The following RPGRIP1L variants were observed in gnomAD, a reference collection of about 807,000 sequenced individuals.
RPGRIP1L encodes protein fantom.
Under a neutral mutation model 160.4 loss-of-function variants are expected in RPGRIP1L, and 131 were observed. The ratio of observed to expected loss-of-function variants is 0.82; its 90% CI spans 0.71 to 0.94. The LOEUF is 0.94. RPGRIP1L is among the 40% of genes least tolerant of loss of function. The pLI is 0.00. For missense variants in RPGRIP1L, 1,522 were observed against 1,535.8 expected, an observed-to-expected ratio of 0.99 and a Z score of 0.15; for synonymous variants, 510 against 515.8, an observed-to-expected ratio of 0.99 and a Z score of 0.15.
intron 1 of RPGRIP1L, among the ~76,000 whole-genome samples, chr16:53,702,533 G>A (rs919282597): frequency 2.6e-5 from 4 of 151,870 alleles, no homozygotes; most frequent in East Asian, 1.9e-4. Context: ...TACTTTCCTC[G>A]AACCCCCCAT....
intron 23 of RPGRIP1L, 131 bp from the exon 24 acceptor site, chr16:53,619,339 T>C: frequency 1.4e-6 from 1 of 738,698 alleles, no homozygotes; most frequent in Admixed American, 2.1e-5. Context: ...GAATGCAATG[T>C]ACACTACTGT....
At position 53,696,270 on chromosome 16, in the gene RPGRIP1L, C is replaced by T. The variant is rs774172381; in HGVS notation, c.111G>A (p.Lys37=). 21 of 1,613,892 alleles carry T rather than the reference C, an allele frequency of 1.3e-5. No homozygotes were observed. In the African/African-American group the frequency reaches 2.0e-4, roughly 15 times the overall value. The change falls in exon 3 of 27, where the codon AAG becomes AAA. Residue 37 remains lysine (K), a synonymous_variant. Transcript: ENST00000647211. ...LQETSTTRTM[K]SRQAVSRVSR... ...TGACACGTGACACTGCCTGGCGAGA[C>T]TTCATTGTCCGTGTTGTTGAAGTTT...
chr16:53,663,126 G>A (rs1201452238), intron 10 of RPGRIP1L, among the ~76,000 whole-genome samples: 1 of 151,606 alleles, frequency 6.6e-6, no homozygotes, highest in African/African-American at 2.4e-5. Flanking sequence ...GTGGGTTGTG[G>A]GATTGATTTT....
chr16:53,655,053 C>T (rs777373426), intron 14 of RPGRIP1L, among the ~76,000 whole-genome samples: 4 of 152,044 alleles, frequency 2.6e-5, no homozygotes, highest in Non-Finnish European at 5.9e-5. Flanking sequence ...TGTAATCTGC[C>T]CTTTTCATTT....
chr16:53,619,337 T>G, intron 23 of RPGRIP1L, 129 bp from the exon 24 acceptor site: 1 of 738,096 alleles, frequency 1.4e-6, no homozygotes, highest in East Asian at 2.7e-5. Context: ...TTGAATGCAA[T>G]GTACACTACT....
chr16:53,681,215 T>C (rs571592849), intron 6 of RPGRIP1L, among the ~76,000 whole-genome samples: 1 of 152,294 alleles, frequency 6.6e-6, no homozygotes, highest in African/African-American at 2.4e-5. Flanking sequence ...CTGAGATACT[T>C]ATGGGTTAAA....
rs886052086 is a variant in RPGRIP1L, at chr16:53,600,193, G to C, written c.*1883C>G. 9.2e-5 allele frequency: 14 copies of C among 152,588 alleles called. No homozygotes were observed. The highest frequency in any genetic ancestry group is 1.5e-5 in the Non-Finnish European group (1 of 68,024). The allele number at this position is 152,588 out of a possible 1,614,324, so 9.5% of individuals were successfully genotyped here. On this transcript the variant is annotated 3_prime_UTR_variant, in exon 27 of 27. Transcript: ENST00000647211. ...CTCAAAAACCACTCAGTTAATCCCA[G>C]GGTATAATCTGGCTGTTTTAAATTA...
chr16:53,638,202 AAAAATAGGGGAAATGC>A, intron 20 of RPGRIP1L, 92 bp downstream of exon 20: 1 of 742,940 alleles, frequency 1.3e-6, no homozygotes, highest in Non-Finnish European at 2.4e-6. Flanking sequence ...AGTCATATAT[AAAAATAGGGGAAATGC>A]TATGACTTCC....
intron 22 of RPGRIP1L, chr16:53,628,187 G>C (rs2150998997): frequency 6.6e-6 from 1 of 152,100 alleles, no homozygotes; most frequent in Non-Finnish European, 1.5e-5. Context: ...GCCACAGTAT[G>C]TAGAACTTGT....
At chr16:53,607,914 A>G (rs1963785904) in intron 25 of RPGRIP1L, 1 of 871,326 alleles carries the variant, frequency 1.1e-6, no homozygotes, top group Non-Finnish European at 1.4e-6. Context: ...CAAATCTTTT[A>G]TCTTACTTTC....
intron 24 of RPGRIP1L, among the ~76,000 whole-genome samples, chr16:53,616,366 T>G (rs1964378447): frequency 6.6e-6 from 1 of 152,158 alleles, no homozygotes; most frequent in Admixed American, 6.5e-5. Flanking sequence ...TATAATAATT[T>G]TAAAATAAAC....
chr16:53,690,026 A>G (rs1270230302), intron 4 of RPGRIP1L, among the ~76,000 whole-genome samples: 1 of 152,208 alleles, frequency 6.6e-6, no homozygotes, highest in African/African-American at 2.4e-5. Flanking sequence ...TTAGCTTGCC[A>G]TTTTAATTAA....
intron 24 of RPGRIP1L, among the ~76,000 whole-genome samples, chr16:53,615,495 A>T (rs1444550430): frequency 9.4e-5 from 7 of 74,690 alleles, no homozygotes; most frequent in Middle Eastern, 0.019. Flanking sequence ...TTTTTTTGAG[A>T]TGGAGTCTCG....
In RPGRIP1L at chr16:53,623,694, T is replaced by C. The variant is rs370953970; in HGVS notation, c.3295-1338A>G. Among the ~76,000 whole-genome samples the C allele has an allele frequency of 9.8e-5, 15 of 152,326 alleles. No homozygotes were observed. The East Asian group carries it at 1.9e-3, about 20-fold the overall frequency. ...AGAGCAAGTTGGTTGTTTCCTCCTC[T>C]GGGCCTTTACTGCACTTCTCCATCA... On this transcript the variant is annotated intron_variant, in intron 22 of 26. Coordinates refer to ENST00000647211, the MANE Select transcript of RPGRIP1L (RefSeq NM_015272.5).
At position 53,601,893 on chromosome 16, in the gene RPGRIP1L, G is replaced by T; in HGVS notation, c.*183C>A. On this transcript the variant is annotated 3_prime_UTR_variant, in exon 27 of 27. Coordinates refer to ENST00000647211, the MANE Select transcript of RPGRIP1L (RefSeq NM_015272.5). ...AGGGGTGGCAGTTATGAGAAGGAGG[G>T]AATAGAGAAATAAACAAATGAAAAA... 1.7e-6 allele frequency: 1 copy of T among 600,772 alleles called. No homozygotes were observed. The highest frequency in any genetic ancestry group is 1.8e-5 in the South Asian group (1 of 54,398). 37.2% of individuals were successfully genotyped at this position (600,772 alleles called of 1,614,324 possible).
chr16:53,637,761 G>C lies in RPGRIP1L; in HGVS notation c.3154C>G (p.Leu1052Val). ...DDVSLLSEGQ[L>V]AEQSLASSED... ...GAAGATGCCAAGCTTTGTTCTGCAAGCTGACCTTCAGATAGTAAAGACACA... is the reference window on the plus strand; with the variant it reads ...GAAGATGCCAAGCTTTGTTCTGCAACCTGACCTTCAGATAGTAAAGACACA... Residue 1052 changes from leucine (L) to valine (V), a missense_variant, in exon 21 of 27, where the codon CTT becomes GTT. Coordinates refer to ENST00000647211, the MANE Select transcript of RPGRIP1L (RefSeq NM_015272.5). 1 of 1,612,892 alleles carries C rather than the reference G, an allele frequency of 6.2e-7. No homozygotes were observed. Among genetic ancestry groups the C allele is most frequent in the Non-Finnish European group, 8.5e-7 (1 of 1,179,762 alleles).
intron 2 of RPGRIP1L, among the ~76,000 whole-genome samples, chr16:53,698,632 C>T (rs1971077044): frequency 7.0e-6 from 1 of 142,070 alleles, no homozygotes. Context: ...GTGAGGAGCC[C>T]CTCTGCCCGG....
At chr16:53,657,883 A>G (rs1567848076) in intron 12 of RPGRIP1L, among the ~76,000 whole-genome samples, 1 of 152,144 alleles carries the variant, frequency 6.6e-6, no homozygotes, top group Non-Finnish European at 1.5e-5. Context: ...GAAATCAAAA[A>G]ATAGTTACTT....
intron 25 of RPGRIP1L, among the ~76,000 whole-genome samples, chr16:53,606,246 T>C (rs1963676449): frequency 6.6e-6 from 1 of 152,180 alleles, no homozygotes; most frequent in Non-Finnish European, 1.5e-5. Flanking sequence ...AATTGTAGGG[T>C]TCTGATGGAA....
Sources: allele counts gnomAD v4.1 joint callset (sites outside exome capture counted in the v4.1 genomes callset), GRCh38; gene constraint gnomAD v4.1.1; transcripts MANE v1.5; gene names NCBI Gene and HGNC (gene_info 2026-07-23, HGNC 2026-07-21).